PRDM5: variants seen among roughly 807,000 people sequenced by gnomAD.
PRDM5 encodes PR/SET domain 5.
PRDM5 carries 56 observed loss-of-function variants against 81.2 expected under a neutral mutation model. The ratio of observed to expected loss-of-function variants is 0.69; its 90% CI spans 0.56 to 0.86. The LOEUF (loss-of-function observed/expected upper bound fraction) is 0.86, where lower values mean the gene tolerates loss of function less well. PRDM5 is among the 40% of genes least tolerant of loss of function. The probability of loss-of-function intolerance (pLI) is 0.00; values close to 1 mark genes in which losing one functional copy is unlikely to be tolerated. For missense variants in PRDM5, 697 were observed against 770.1 expected (o/e 0.91, Z 1.12); for synonymous variants, 267 against 256.4 (o/e 1.04, Z -0.39).
chr4:120,871,777 A>G (rs1053215747), intron 2 of PRDM5, among the ~76,000 whole-genome samples: 7 of 151,946 alleles, frequency 4.6e-5, no homozygotes, highest in East Asian at 1.9e-4. Context: ...AAAAAAAAAA[A>G]AAAGAAAGAA....
At chr4:120,762,130 C>G (rs1745708471) in intron 13 of PRDM5, among the ~76,000 whole-genome samples, 1 of 151,762 alleles carries the variant, frequency 6.6e-6, no homozygotes, top group African/African-American at 2.4e-5. Context: ...TTTCAAAAAC[C>G]AACGTAGATT....
chr4:120,916,798 A>G (rs1192716582), intron 1 of PRDM5, among the ~76,000 whole-genome samples: 1 of 152,180 alleles, frequency 6.6e-6, no homozygotes, highest in African/African-American at 2.4e-5. Context: ...ATCATCCTGA[A>G]TCCTTCCCAT....
chr4:120,738,486 T>C (rs58126811), intron 14 of PRDM5, among the ~76,000 whole-genome samples: 3,597 of 152,350 alleles, frequency 0.024, 142 homozygotes, highest in African/African-American at 0.082. Flanking sequence ...ATTTTGAAAC[T>C]ACAGATTAAA....
At chr4:120,684,821 T>G (rs1252635861), downstream of PRDM5, 1 of 151,958 alleles carries the variant, frequency 6.6e-6, no homozygotes, top group Non-Finnish European at 1.5e-5. Context: ...CATAAAAAAA[T>G]TAATGTAATA....
chr4:120,792,473 G>A lies in PRDM5; in HGVS notation c.1188+5794C>T, dbSNP rs557534720. ...ACCCCTGTATACTGTTGGTTGAAAT[G>A]TAAATTAGCATATCCATTGTAGAAA... On this transcript the variant is annotated intron_variant, in intron 10 of 15. Transcript: ENST00000264808. 8.5e-5 allele frequency among the ~76,000 whole-genome samples: 13 copies of A among 152,278 alleles called. 1 individual carries two copies. Among genetic ancestry groups the A allele is most frequent in the Admixed American group, 7.2e-4 (11 of 15,294 alleles).
intron 15 of PRDM5, among the ~76,000 whole-genome samples, chr4:120,697,453 T>C (rs891543710): frequency 6.6e-6 from 1 of 152,060 alleles, no homozygotes. Context: ...TTAAAATTAA[T>C]AAGCATATTC....
chr4:120,907,233 C>T (rs907339047), intron 2 of PRDM5, among the ~76,000 whole-genome samples: 5 of 151,164 alleles, frequency 3.3e-5, no homozygotes, highest in African/African-American at 9.7e-5. Context: ...ACTCGGGAGA[C>T]TAAGGCAGGA....
intron 10 of PRDM5, among the ~76,000 whole-genome samples, chr4:120,792,548 C>G (rs1750728432): frequency 6.6e-6 from 1 of 152,094 alleles, no homozygotes. Flanking sequence ...CCATATGATC[C>G]AGCAGTCCCA....
chr4:120,842,306 C>T lies in PRDM5; in HGVS notation c.300+11112G>A, dbSNP rs149439089. Among the ~76,000 whole-genome samples, 45 of 152,306 alleles carry T rather than the reference C, an allele frequency of 3.0e-4. No homozygotes were observed. In the East Asian group the frequency reaches 5.4e-3, roughly 18 times the overall value. On this transcript the variant is annotated intron_variant, in intron 3 of 15. Coordinates refer to ENST00000264808, the MANE Select transcript of PRDM5 (RefSeq NM_018699.4). ...GACACTTTGCCAGACCAAATACTCG[C>T]ATGCACATATATTTCAGGCCAGAGT...
intron 14 of PRDM5, among the ~76,000 whole-genome samples, chr4:120,727,954 AAGAG>A (rs1560994234): frequency 1.3e-5 from 2 of 150,890 alleles, no homozygotes; most frequent in Admixed American, 6.6e-5. Context: ...AAAAAAAAAA[AAGAG>A]AGAGAGAGAA....
downstream of PRDM5, among the ~76,000 whole-genome samples, chr4:120,687,502 C>A (rs955715772): frequency 1.3e-5 from 2 of 152,010 alleles, no homozygotes; most frequent in Non-Finnish European, 2.9e-5. Context: ...TGTAGGTGTA[C>A]ATGAAATTTT....
intron 10 of PRDM5, among the ~76,000 whole-genome samples, chr4:120,796,010 A>G (rs565865617): frequency 1.3e-5 from 2 of 152,310 alleles, no homozygotes; most frequent in South Asian, 2.1e-4. Flanking sequence ...CCAACCCAAA[A>G]TAACTCAAAT....
At chr4:120,781,911 G>C (rs1749093274) in intron 11 of PRDM5, among the ~76,000 whole-genome samples, 2 of 152,184 alleles carry the variant, frequency 1.3e-5, no homozygotes, top group South Asian at 2.1e-4. Context: ...AAGGCTTTGA[G>C]GGATGGGGTC....
At chr4:120,755,777 C>A (rs190065965) in intron 13 of PRDM5, among the ~76,000 whole-genome samples, 4 of 152,152 alleles carry the variant, frequency 2.6e-5, no homozygotes, top group Non-Finnish European at 5.9e-5. Flanking sequence ...TGCACAATGG[C>A]CTTGCACTGT....
chr4:120,847,737 A>C (rs1209595637), intron 3 of PRDM5, among the ~76,000 whole-genome samples: 1 of 152,228 alleles, frequency 6.6e-6, no homozygotes, highest in Non-Finnish European at 1.5e-5. Context: ...GGCTAGATGA[A>C]AGTCATTCTG....
intron 2 of PRDM5, among the ~76,000 whole-genome samples, chr4:120,902,766 C>G (rs1303939489): frequency 1.3e-5 from 2 of 152,186 alleles, no homozygotes; most frequent in Non-Finnish European, 2.9e-5. Flanking sequence ...AACCTGATGG[C>G]CAATACAGAA....
intron 13 of PRDM5, among the ~76,000 whole-genome samples, chr4:120,759,010 C>T (rs555422463): frequency 6.6e-6 from 1 of 152,274 alleles, no homozygotes; most frequent in South Asian, 2.1e-4. Context: ...CCACCTCAAC[C>T]ACCCAAAGTG....
intron 15 of PRDM5, among the ~76,000 whole-genome samples, chr4:120,699,922 AT>A (rs71597089): frequency 0.18 from 26,183 of 149,482 alleles, 2,593 homozygotes; most frequent in Non-Finnish European, 0.24. Flanking sequence ...AGAAAAAACT[AT>A]TCTAAAATTT....
chr4:120,857,256 G>A (rs187433361), intron 2 of PRDM5, among the ~76,000 whole-genome samples: 8 of 152,300 alleles, frequency 5.3e-5, no homozygotes, highest in Admixed American at 2.6e-4. Flanking sequence ...TATTTGGGAA[G>A]CTGAGGCAGG....
Sources: gnomAD v4.1 joint callset for allele counts (sites outside exome capture counted in the v4.1 genomes callset) on GRCh38, gnomAD v4.1.1 for gene constraint, MANE v1.5 for transcripts, NCBI Gene and HGNC (gene_info 2026-07-23, HGNC 2026-07-21) for gene names.